GAS7: variants seen among roughly 807,000 people sequenced by gnomAD.
The protein encoded by GAS7 is growth arrest specific 7, also known as growth arrest-specific protein 7.
GAS7 carries 28 observed loss-of-function variants against 71.1 expected under a neutral mutation model. The ratio of observed to expected loss-of-function variants is 0.39; its 90% CI spans 0.29 to 0.54. The LOEUF (loss-of-function observed/expected upper bound fraction) is 0.54. GAS7 is among the 20% of genes least tolerant of loss of function. The pLI, the probability that GAS7 is intolerant of heterozygous loss-of-function variation, is 0.62. For missense variants in GAS7, 436 were observed against 627.8 expected, an observed-to-expected ratio of 0.69 and a Z score of 3.27; for synonymous variants, 258 against 245.8, an observed-to-expected ratio of 1.05 and a Z score of -0.46.
chr17:9,918,135 C>T lies in GAS7; in HGVS notation c.1219-36G>A, dbSNP rs62064494. 56,431 of 1,495,646 alleles carry T rather than the reference C, an allele frequency of 0.038. 1,300 individuals are homozygous for T. The highest frequency in any genetic ancestry group is 0.058 in the Middle Eastern group (336 of 5,822). 92.6% of individuals were successfully genotyped at this position (1,495,646 alleles called of 1,614,324 possible). A position where few individuals can be genotyped will look rare whatever the true frequency, so the allele number is the denominator to read the frequency against. On this transcript the variant is annotated intron_variant, in intron 12 of 13. Transcript: ENST00000432992. ...AGCAAAGGCCAGAGAACTCTGAGCA[C>T]GTCCCCTCCACTTGGGGGTCCCCCC...
In GAS7 at chr17:9,913,730, G is replaced by C. The variant is rs1172089206; in HGVS notation, c.*3498C>G. The C allele has an allele frequency of 4.3e-6, 1 of 231,934 alleles. No individual in the cohort carries two copies. Among genetic ancestry groups the C allele is most frequent in the Non-Finnish European group, 8.5e-6 (1 of 117,222 alleles). The allele number at this position is 231,934 out of a possible 1,614,324, so 14.4% of individuals were successfully genotyped here. A position where few individuals can be genotyped will look rare whatever the true frequency, so the allele number is the denominator to read the frequency against. ...CATCCCCACGGTCCAAGGGGCCTAT[G>C]TGTTGCCACTGACTGAAAGCACTAG... On this transcript the variant is annotated 3_prime_UTR_variant, in exon 14 of 14. Transcript: ENST00000432992.
chr17:10,096,601 C>A (rs1222363890), intron 1 of GAS7, among the ~76,000 whole-genome samples: 1 of 148,968 alleles, frequency 6.7e-6, no homozygotes, highest in Admixed American at 6.7e-5. Context: ...CACTACCCAC[C>A]CAACAGACCC....
At position 10,005,245 on chromosome 17, in the gene GAS7, GCA is replaced by G. The variant is rs1491062034; in HGVS notation, c.304+14530_304+14531del. ...TGCATGTATGTGTATGTGCGCGCATGCATGTGTGTGCACACATACATGTATGT... is the reference window on the plus strand; with the variant it reads ...TGCATGTATGTGTATGTGCGCGCATGTGTGTGTGCACACATACATGTATGT... On this transcript the variant is annotated intron_variant, in intron 2 of 13. Coordinates refer to ENST00000432992, the MANE Select transcript of GAS7 (RefSeq NM_201433.2). Among the ~76,000 whole-genome samples, 377 of 143,386 alleles carry G rather than the reference GCA, an allele frequency of 2.6e-3. 1 individual carries two copies. Among genetic ancestry groups the G allele is most frequent in the Admixed American group, 4.7e-3 (71 of 15,022 alleles). 94.1% of individuals were successfully genotyped at this position (143,386 alleles called of 152,430 possible).
intron 5 of GAS7, among the ~76,000 whole-genome samples, chr17:9,954,281 G>C (rs1266030955): frequency 6.6e-6 from 1 of 152,194 alleles, no homozygotes; most frequent in African/African-American, 2.4e-5. Context: ...ACTGAGCTGA[G>C]AGGGGGTCTT....
chr17:10,142,880 T>C (rs1231319120), intron 1 of GAS7, among the ~76,000 whole-genome samples: 1 of 152,018 alleles, frequency 6.6e-6, no homozygotes, highest in East Asian at 1.9e-4. Context: ...TTGAACTGTG[T>C]CCTCCCAATC....
chr17:10,150,817 G>A (rs1445201519), intron 1 of GAS7, among the ~76,000 whole-genome samples: 1 of 151,952 alleles, frequency 6.6e-6, no homozygotes. Flanking sequence ...TCGAACTCCT[G>A]ACCTAAAATG....
chr17:9,944,272 G>T (rs1406147926), intron 6 of GAS7, among the ~76,000 whole-genome samples: 4 of 152,182 alleles, frequency 2.6e-5, no homozygotes, highest in African/African-American at 9.7e-5. Flanking sequence ...CCTCCTTACA[G>T]CTTTTCCCTA....
chr17:10,133,365 T>C (rs1410717983), intron 1 of GAS7, among the ~76,000 whole-genome samples: 4 of 152,152 alleles, frequency 2.6e-5, no homozygotes, highest in African/African-American at 9.6e-5. Context: ...TCAAGTGATC[T>C]GCCTGCCTCG....
In GAS7 at chr17:9,934,021, A is replaced by G. The variant is rs1567791356; in HGVS notation, c.885+145T>C. 20 of 664,838 alleles carry G rather than the reference A, an allele frequency of 3.0e-5. No homozygotes were observed. The East Asian group carries it at 4.9e-4, about 16-fold the overall frequency. 41.2% of individuals were successfully genotyped at this position (664,838 alleles called of 1,614,324 possible). On this transcript the variant is annotated intron_variant, in intron 9 of 13. Transcript: ENST00000432992. Reference sequence around the variant, plus strand: ...GCCACTGGGCAGATATCTCTTCCCAACTCCGTATTCCGTGACTTCATGTTG... The same window carrying G: ...GCCACTGGGCAGATATCTCTTCCCAGCTCCGTATTCCGTGACTTCATGTTG...
At position 9,913,207 on chromosome 17, in the gene GAS7, C is replaced by T. The variant is rs1028174846; in HGVS notation, c.*4021G>A. 2 of 232,104 alleles carry T rather than the reference C, an allele frequency of 8.6e-6. No homozygotes were observed. The highest frequency in any genetic ancestry group is 1.2e-3 in the Middle Eastern group (1 of 802). 14.4% of individuals were successfully genotyped at this position (232,104 alleles called of 1,614,324 possible). A position where few individuals can be genotyped will look rare whatever the true frequency, so the allele number is the denominator to read the frequency against. On this transcript the variant is annotated 3_prime_UTR_variant, in exon 14 of 14. Coordinates refer to ENST00000432992, the MANE Select transcript of GAS7 (RefSeq NM_201433.2). ...CAATAAACCTGGGAAAAGGTGGTGG[C>T]GATGGGCCTTGTAGGGATGGCAAGG...
intron 1 of GAS7, among the ~76,000 whole-genome samples, chr17:10,057,369 C>G (rs182703666): frequency 1.3e-5 from 2 of 152,092 alleles, no homozygotes; most frequent in African/African-American, 4.8e-5. Flanking sequence ...GCCCGGCCCC[C>G]CATCGTCTGA....
intron 2 of GAS7, among the ~76,000 whole-genome samples, chr17:10,009,318 C>CAAGAAAAAAA (rs2071666233): frequency 2.5e-5 from 2 of 78,576 alleles, no homozygotes; most frequent in African/African-American, 9.3e-5. Context: ...GAGACTCCGT[C>CAAGAAAAAAA]AAAAAAAAAA....
intron 2 of GAS7, among the ~76,000 whole-genome samples, chr17:10,018,475 C>A (rs1296724688): frequency 2.6e-5 from 4 of 152,226 alleles, no homozygotes; most frequent in African/African-American, 4.8e-5. Flanking sequence ...GTGTTGCATA[C>A]ATAGACACAC....
At chr17:10,024,379 C>G (rs1017922373) in intron 1 of GAS7, among the ~76,000 whole-genome samples, 2 of 152,162 alleles carry the variant, frequency 1.3e-5, no homozygotes, top group Non-Finnish European at 1.5e-5. Context: ...AAATCCTTCC[C>G]TTCTCTTCCT....
intron 2 of GAS7, among the ~76,000 whole-genome samples, chr17:10,001,520 G>A (rs2152165479): frequency 6.6e-6 from 1 of 152,288 alleles, no homozygotes; most frequent in South Asian, 2.1e-4. Flanking sequence ...GTGGAGGCAG[G>A]AGCTGAGCGC....
chr17:10,039,338 G>A (rs981607071), intron 1 of GAS7, among the ~76,000 whole-genome samples: 11 of 152,004 alleles, frequency 7.2e-5, no homozygotes, highest in African/African-American at 2.7e-4. Context: ...TACACCCAGA[G>A]GGAAGCTGCC....
At chr17:10,150,946 A>G (rs1156904114) in intron 1 of GAS7, among the ~76,000 whole-genome samples, 2 of 152,178 alleles carry the variant, frequency 1.3e-5, no homozygotes, top group Non-Finnish European at 2.9e-5. Flanking sequence ...TAAGTGAGCA[A>G]GTCACTTTAC....
intron 2 of GAS7, among the ~76,000 whole-genome samples, chr17:9,990,494 T>C (rs992560088): frequency 6.6e-6 from 1 of 151,800 alleles, no homozygotes; most frequent in Non-Finnish European, 1.5e-5. Flanking sequence ...GGAGGGAAGG[T>C]AGAAAGGGAT....
rs575043208 is a variant in GAS7, at chr17:10,181,107, A to T, written c.183+17101T>A. On this transcript the variant is annotated intron_variant, in intron 1 of 13. Coordinates refer to ENST00000432992, the MANE Select transcript of GAS7 (RefSeq NM_201433.2). The stretch of plus-strand genomic sequence containing the variant: ...GGGGGCACGGTGGCTCACGCCTGTA[A>T]TCCCAGCACTTTGGGAGGCCAAGGC... Among the ~76,000 whole-genome samples the T allele has an allele frequency of 3.4e-3, 517 of 149,882 alleles. 5 individuals are homozygous for T. The highest frequency in any genetic ancestry group is 5.3e-3 in the Non-Finnish European group (355 of 67,178).
Sources: allele counts gnomAD v4.1 joint callset (sites outside exome capture counted in the v4.1 genomes callset), GRCh38; gene constraint gnomAD v4.1.1; transcripts MANE v1.5; gene names NCBI Gene and HGNC (gene_info 2026-07-23, HGNC 2026-07-21).